ADAMTS5: variants seen among roughly 807,000 people sequenced by gnomAD.
ADAMTS5 encodes the protein A disintegrin and metalloproteinase with thrombospondin motifs 5.
In ADAMTS5, 54 loss-of-function variants were observed where a neutral mutation model predicts 81.4. The observed-to-expected ratio is 0.66, with a 90% CI of 0.53 to 0.83. The LOEUF is 0.83. Among genes scored for constraint, ADAMTS5 ranks in the 40% least tolerant of loss-of-function variants. The pLI, the probability that ADAMTS5 is intolerant of heterozygous loss-of-function variation, is 0.00. For synonymous variants in ADAMTS5, 532 were observed against 508.8 expected (o/e 1.05, Z -0.61); for missense variants, 1,194 against 1,229.9 (o/e 0.97, Z 0.44).
At chr21:26,934,408 C>A (rs1251977843) in intron 4 of ADAMTS5, 58 bp downstream of exon 4, 6 of 1,597,746 alleles carry the variant, frequency 3.8e-6, no homozygotes, top group Non-Finnish European at 5.1e-6. Flanking sequence ...ATACCCATCA[C>A]AAGAATGCAC....
At chr21:26,941,408 TAA>T (rs1164616432) in intron 3 of ADAMTS5, among the ~76,000 whole-genome samples, 1 of 152,106 alleles carries the variant, frequency 6.6e-6, no homozygotes. Flanking sequence ...AAATTTGTTA[TAA>T]AATCTTTAAA....
intron 5 of ADAMTS5, 48 bp downstream of exon 5, chr21:26,932,813 A>G: frequency 2.6e-6 from 4 of 1,549,440 alleles, no homozygotes; most frequent in Non-Finnish European, 3.5e-6. Flanking sequence ...GCTAGAATAC[A>G]AATGACATGT....
Position 26,928,507 on chromosome 21 carries a change from A to T in ADAMTS5, c.2225+1379T>A, listed in dbSNP as rs535327975. ...AATTTTAAAACTGGTTTATAACTTT[A>T]TATAGAAGAGAATATGTACCATAAA... is the stretch of plus-strand genomic sequence containing the variant. On this transcript the variant is annotated intron_variant, in intron 7 of 7. Transcript: ENST00000284987. Among the ~76,000 whole-genome samples the T allele has an allele frequency of 7.9e-5, 12 of 152,332 alleles. No homozygotes were observed. The South Asian group carries it at 2.3e-3, about 29-fold the overall frequency.
intron 7 of ADAMTS5, among the ~76,000 whole-genome samples, chr21:26,926,434 A>G (rs577123596): frequency 7.2e-5 from 11 of 152,306 alleles, no homozygotes; most frequent in African/African-American, 1.9e-4. Context: ...GCACTTTGGG[A>G]GACTGAGGCA....
intron 1 of ADAMTS5, among the ~76,000 whole-genome samples, chr21:26,960,155 G>A (rs1227734739): frequency 6.6e-6 from 1 of 152,012 alleles, no homozygotes; most frequent in African/African-American, 2.4e-5. Flanking sequence ...AACATTTCTT[G>A]ACCCAATCTA....
chr21:26,929,838 C>A, intron 7 of ADAMTS5, 48 bp downstream of exon 7: 1 of 1,574,838 alleles, frequency 6.3e-7, no homozygotes, highest in Non-Finnish European at 8.7e-7. Flanking sequence ...CTGCAAGAGT[C>A]TAAAGCTTTG....
intron 1 of ADAMTS5, among the ~76,000 whole-genome samples, chr21:26,963,863 GCGC>G (rs1466194808): frequency 6.6e-6 from 1 of 152,042 alleles, no homozygotes; most frequent in Non-Finnish European, 1.5e-5. Flanking sequence ...ACAGCACTGC[GCGC>G]TGCTTGGCTC....
At chr21:26,942,373 C>T (rs920815805) in intron 3 of ADAMTS5, among the ~76,000 whole-genome samples, 3 of 152,038 alleles carry the variant, frequency 2.0e-5, no homozygotes, top group African/African-American at 4.8e-5. Context: ...AACTTTGAAC[C>T]GTATATCATG....
In ADAMTS5 at chr21:26,966,248, C is replaced by A; in HGVS notation, c.144G>T (p.Gly48=). The change falls in exon 1 of 8, where the codon GGG becomes GGT. Residue 48 remains glycine, a synonymous_variant. Coordinates refer to ENST00000284987, the MANE Select transcript of ADAMTS5 (RefSeq NM_007038.5). ...GCTCGGCTCGCTCCTGCACCTCCTC[C>A]CCCTGCCGCCGGCGGGGCTGGGCGG... The part of the protein sequence containing the change: ...AAAAQPRRRQ[G]EEVQERAEPP... 6.3e-7 allele frequency: 1 copy of A among 1,598,384 alleles called. No homozygotes were observed. The highest frequency in any genetic ancestry group is 8.5e-7 in the Non-Finnish European group (1 of 1,174,764).
chr21:26,954,041 A>T (rs1199390770), intron 2 of ADAMTS5: 2 of 152,078 alleles, frequency 1.3e-5, no homozygotes, highest in Non-Finnish European at 2.9e-5. Flanking sequence ...CTAGTCCTAA[A>T]TGTACTAAGC....
At chr21:26,961,090 G>A (rs532285183) in intron 1 of ADAMTS5, among the ~76,000 whole-genome samples, 4 of 152,194 alleles carry the variant, frequency 2.6e-5, no homozygotes, top group Admixed American at 2.0e-4. Context: ...GCATATTAAA[G>A]GTTTGAATAA....
Position 26,924,479 on chromosome 21 carries a change from C to A in ADAMTS5, c.2367G>T (p.Lys789Asn). The A allele has an allele frequency of 6.2e-7, 1 of 1,614,150 alleles. No homozygotes were observed. The highest frequency in any genetic ancestry group is 1.3e-5 in the African/African-American group (1 of 75,026). ...KKNGEYLING[K>N]YMISTSETII... ...TAGTCTCTGAAGTGGAGATCATGTACTTTCCATTGATAAGGTACTCACCGT... is the reference window on the plus strand; with the variant it reads ...TAGTCTCTGAAGTGGAGATCATGTAATTTCCATTGATAAGGTACTCACCGT... The change falls in exon 8 of 8, where the codon AAG (lysine) becomes AAT (asparagine). Residue 789 changes from lysine to asparagine, a missense_variant. This residue lies in a region of ADAMTS5 where 696 missense variants were observed against 817.6 expected (regional missense o/e 0.85). Coordinates refer to ENST00000284987, the MANE Select transcript of ADAMTS5 (RefSeq NM_007038.5).
Position 26,943,476 on chromosome 21 carries a change from G to T in ADAMTS5, c.1309C>A (p.Arg437Ser). The T allele has an allele frequency of 1.2e-6, 2 of 1,613,706 alleles. No homozygotes were observed. Among genetic ancestry groups the T allele is most frequent in the Non-Finnish European group, 1.7e-6 (2 of 1,179,736 alleles). ...CTGGTAAGGATGGAAGACATTAAGC[G>T]CTTATCTTCTGTGGAACCAAAGGTC... is the stretch of plus-strand genomic sequence containing the variant. ...EETFGSTEDK[R>S]LMSSILTSID... Residue 437 changes from arginine to serine, a missense_variant, in exon 3 of 8, where the codon CGC (arginine) becomes AGC (serine). Physicochemically the swap from Arg to Ser is moderately radical, Grantham distance 110. This residue lies in a region of ADAMTS5 where 696 missense variants were observed against 817.6 expected (regional missense o/e 0.85). Coordinates refer to ENST00000284987, the MANE Select transcript of ADAMTS5 (RefSeq NM_007038.5).
chr21:26,946,211 G>A (rs961065796), intron 2 of ADAMTS5, among the ~76,000 whole-genome samples: 1 of 152,168 alleles, frequency 6.6e-6, no homozygotes, highest in Non-Finnish European at 1.5e-5. Context: ...TGCTCTTCAG[G>A]AAAGACGTGA....
At position 26,934,902 on chromosome 21, in the gene ADAMTS5, C is replaced by A. The variant is rs192229143; in HGVS notation, c.1406-153G>T. Reference sequence around the variant, plus strand: ...GCTCTGGAGAGGGACTCCATGGGGACAAGGCTGGGAGCCCCCTTGGACGCA... The same window carrying A: ...GCTCTGGAGAGGGACTCCATGGGGAAAAGGCTGGGAGCCCCCTTGGACGCA... On this transcript the variant is annotated intron_variant, in intron 3 of 7. Transcript: ENST00000284987. Among the ~76,000 whole-genome samples, 134 of 152,214 alleles carry A rather than the reference C, an allele frequency of 8.8e-4. 3 individuals are homozygous for A. The East Asian group carries it at 0.024, about 27-fold the overall frequency.
chr21:26,953,643 T>G (rs1047912118), intron 2 of ADAMTS5, among the ~76,000 whole-genome samples: 1 of 152,156 alleles, frequency 6.6e-6, no homozygotes, highest in African/African-American at 2.4e-5. Context: ...AAAATCTGTT[T>G]AAATCAAAAT....
At chr21:26,944,986 G>A (rs933446170) in intron 2 of ADAMTS5, among the ~76,000 whole-genome samples, 2 of 152,062 alleles carry the variant, frequency 1.3e-5, no homozygotes, top group Middle Eastern at 3.2e-3. Context: ...TTTTCTCTGG[G>A]AAGTTCTCCC....
rs1278842869 is a variant in ADAMTS5 at position 26,966,533 on chromosome 21, C to A, written c.-142G>T. ...GTCAAGTGTCGGAGGGAGGGGGGCCCGGCAGCAGCGCCAGCCTGTCCGGGC... is the reference window on the plus strand; with the variant it reads ...GTCAAGTGTCGGAGGGAGGGGGGCCAGGCAGCAGCGCCAGCCTGTCCGGGC... On this transcript the variant is annotated 5_prime_UTR_variant, in exon 1 of 8. Transcript: ENST00000284987. The A allele has an allele frequency of 3.8e-6, 3 of 781,882 alleles. No homozygotes were observed. 48.4% of individuals were successfully genotyped at this position (781,882 alleles called of 1,614,324 possible). A position where few individuals can be genotyped will look rare whatever the true frequency, so the allele number is the denominator to read the frequency against.
rs1043870078 is a variant in ADAMTS5, at chr21:26,932,999, A to C, written c.1735T>G (p.Cys579Gly). Reference sequence around the variant, plus strand: ...ACTCCTCCTCCACATGAGCGAGAACACTGGCCCCAGGATCCCCAAGATCCC... The same window carrying C: ...ACTCCTCCTCCACATGAGCGAGAACCCTGGCCCCAGGATCCCCAAGATCCC... ...NWGSWGSWGQ[C>G]SRSCGGGVQF... The change falls in exon 5 of 8, where the codon TGT becomes GGT. Residue 579 changes from cysteine (C) to glycine (G), a missense_variant. Cys to Gly is a radical substitution (Grantham distance 159). Coordinates refer to ENST00000284987, the MANE Select transcript of ADAMTS5 (RefSeq NM_007038.5). 6.2e-7 allele frequency: 1 copy of C among 1,613,822 alleles called. No individual in the cohort carries two copies.
Sources: allele counts gnomAD v4.1 joint callset (sites outside exome capture counted in the v4.1 genomes callset), GRCh38; gene constraint gnomAD v4.1.1; regional missense constraint gnomAD v4.1.1; transcripts MANE v1.5; gene names NCBI Gene and HGNC (gene_info 2026-07-23, HGNC 2026-07-21).